PCDH11X: variants seen among roughly 807,000 people sequenced by gnomAD.
PCDH11X encodes the protein protocadherin-11 X-linked.
A neutral mutation model predicts 53.3 loss-of-function variants in PCDH11X; 18 were observed. The ratio of observed to expected loss-of-function variants is 0.34; its 90% CI spans 0.23 to 0.50. PCDH11X has a LOEUF of 0.50. PCDH11X is among the 20% of genes least tolerant of loss of function. PCDH11X has a pLI of 0.98. For synonymous variants in PCDH11X, 279 were observed against 393.3 expected, an observed-to-expected ratio of 0.71 and a Z score of 3.44; for missense variants, 570 against 1,032.4, an observed-to-expected ratio of 0.55 and a Z score of 6.14.
chrX:92,446,621 G>C (rs945798406), intron 9 of PCDH11X, among the ~76,000 whole-genome samples: 1 of 111,660 alleles, frequency 9.0e-6, no homozygotes, highest in African/African-American at 3.3e-5. Context: ...CAGCCATGTG[G>C]AACTGTAAGT....
intron 6 of PCDH11X, among the ~76,000 whole-genome samples, chrX:91,939,343 A>C (rs1357905677): frequency 2.7e-5 from 3 of 111,136 alleles, no homozygotes; most frequent in Non-Finnish European, 5.7e-5. Context: ...AAAGTAACTG[A>C]GCTCTGGGAC....
rs768778566 is a variant in PCDH11X at position 92,015,179 on chromosome X, G to T, written c.3033+135906G>T. On this transcript the variant is annotated intron_variant, in intron 6 of 10. Transcript: ENST00000682573. ...TTGCTTTGAAATCTTTTTTTTTAAA[G>T]AAAGAAAATGGTGGACTTTAATCTT... is the stretch of plus-strand genomic sequence containing the variant. Among the ~76,000 whole-genome samples, 3 of 111,351 alleles carry T rather than the reference G, an allele frequency of 2.7e-5. No homozygotes were observed. The South Asian group carries it at 1.1e-3, about 42-fold the overall frequency.
At chrX:92,036,123 A>G (rs1324896357) in intron 6 of PCDH11X, among the ~76,000 whole-genome samples, 1 of 87,488 alleles carries the variant, frequency 1.1e-5, no homozygotes, top group East Asian at 3.9e-4. Flanking sequence ...CAAAGGGCAT[A>G]TATCTCTGTT....
intron 6 of PCDH11X, among the ~76,000 whole-genome samples, chrX:91,889,469 C>T (rs1940376750): frequency 9.0e-6 from 1 of 111,435 alleles, no homozygotes; most frequent in Non-Finnish European, 1.9e-5. Flanking sequence ...TGTGCCACCA[C>T]ACCTGGCTAA....
intron 7 of PCDH11X, among the ~76,000 whole-genome samples, chrX:92,256,862 C>T (rs980482559): frequency 4.5e-5 from 5 of 111,129 alleles, no homozygotes; most frequent in African/African-American, 1.6e-4. Flanking sequence ...GCTTCCAGCT[C>T]CATCCATGTC....
chrX:91,986,791 C>G (rs1352550509), intron 6 of PCDH11X, among the ~76,000 whole-genome samples: 3 of 108,354 alleles, frequency 2.8e-5, no homozygotes, highest in African/African-American at 1.0e-4. Context: ...GTCTCTCCAT[C>G]TCAAGGACCT....
At chrX:91,942,803 T>C (rs927849093) in intron 6 of PCDH11X, among the ~76,000 whole-genome samples, 16 of 111,253 alleles carry the variant, frequency 1.4e-4, no homozygotes, top group African/African-American at 5.2e-4. Context: ...TGAATATAGA[T>C]ATAAAATTCT....
intron 9 of PCDH11X, among the ~76,000 whole-genome samples, chrX:92,444,423 G>A (rs2072585676): frequency 1.0e-5 from 1 of 98,177 alleles, no homozygotes; most frequent in African/African-American, 3.7e-5. Flanking sequence ...TCAGTTCCAG[G>A]AACTTTTTGA....
In PCDH11X at chrX:92,343,027, TTAAG is replaced by T. The variant is rs770356497; in HGVS notation, c.3145-44706_3145-44703del. 1.6e-4 allele frequency among the ~76,000 whole-genome samples: 18 copies of T among 112,152 alleles called. No individual in the cohort carries two copies. In the East Asian group the frequency reaches 5.1e-3, roughly 32 times the overall value. On this transcript the variant is annotated intron_variant, in intron 8 of 10. Transcript: ENST00000682573. ...AAACATGAGAATATTTCTAATCAAA[TTAAG>T]TGTTTTATATAATCAGAATCACGAT...
intron 8 of PCDH11X, among the ~76,000 whole-genome samples, chrX:92,311,420 T>C (rs1234601562): frequency 1.8e-5 from 2 of 110,280 alleles, no homozygotes; most frequent in Non-Finnish European, 3.8e-5. Context: ...TCACCACAGG[T>C]AATTATTATT....
chrX:92,072,508 T>C (rs2063718350), intron 6 of PCDH11X, among the ~76,000 whole-genome samples: 2 of 111,197 alleles, frequency 1.8e-5, no homozygotes, highest in Admixed American at 9.6e-5. Context: ...TAACAGGTGA[T>C]AAATGCTGAC....
At chrX:92,167,483 G>A (rs975120615) in intron 6 of PCDH11X, among the ~76,000 whole-genome samples, 2 of 111,965 alleles carry the variant, frequency 1.8e-5, no homozygotes, top group Non-Finnish European at 3.8e-5. Flanking sequence ...TCTTGAAAGA[G>A]TCAAAATCAA....
At chrX:92,471,690 G>C (rs1160881582) in intron 10 of PCDH11X, among the ~76,000 whole-genome samples, 3 of 106,699 alleles carry the variant, frequency 2.8e-5, no homozygotes, top group East Asian at 6.0e-4. Context: ...TTGCCACACT[G>C]TCTTCCACAG....
intron 6 of PCDH11X, among the ~76,000 whole-genome samples, chrX:92,026,268 T>C (rs1010911340): frequency 9.0e-6 from 1 of 110,823 alleles, no homozygotes; most frequent in Non-Finnish European, 1.9e-5. Flanking sequence ...TCAGTGTCCA[T>C]AAATGAAGTT....
intron 8 of PCDH11X, among the ~76,000 whole-genome samples, chrX:92,275,882 G>A (rs1456436125): frequency 2.7e-5 from 3 of 110,348 alleles, no homozygotes; most frequent in East Asian, 5.7e-4. Context: ...AGTCCCGAAG[G>A]AAGGAGTAGA....
intron 8 of PCDH11X, chrX:92,288,002 C>T (rs1289223544): frequency 4.3e-5 from 22 of 513,043 alleles, no homozygotes; most frequent in Non-Finnish European, 6.3e-5. Context: ...CTGCCATGAC[C>T]GTAAGTTTCC....
chrX:91,912,925 A>G (rs1176216688), intron 6 of PCDH11X, among the ~76,000 whole-genome samples: 4 of 112,163 alleles, frequency 3.6e-5, no homozygotes, highest in African/African-American at 1.3e-4. Context: ...ACACATCCTG[A>G]CTGGGGAATC....
chrX:92,370,460 C>T (rs201528702), intron 8 of PCDH11X, among the ~76,000 whole-genome samples: 104 of 80,191 alleles, frequency 1.3e-3, no homozygotes, highest in Middle Eastern at 0.014. Context: ...GTTCTTTTTT[C>T]TTTTTTTTTT....
intron 6 of PCDH11X, among the ~76,000 whole-genome samples, chrX:92,187,978 C>T (rs1030972331): frequency 5.4e-5 from 6 of 111,585 alleles, no homozygotes; most frequent in Admixed American, 9.6e-5. Context: ...GAACTGATTA[C>T]ATAAAGTTAT....
Sources: gnomAD v4.1 joint callset for allele counts (sites outside exome capture counted in the v4.1 genomes callset) on GRCh38, gnomAD v4.1.1 for gene constraint, MANE v1.5 for transcripts, NCBI Gene and HGNC (gene_info 2026-07-23, HGNC 2026-07-21) for gene names.